The following TEX36 variants were observed in gnomAD, a reference collection of about 807,000 sequenced individuals.
TEX36 encodes testis expressed 36, also known as testis-expressed protein 36.
A neutral mutation model predicts 13.6 loss-of-function variants in TEX36; 12 were observed. The ratio of observed to expected loss-of-function variants is 0.88; its 90% CI spans 0.56 to 1.43. TEX36 has a LOEUF of 1.43. Ranked by LOEUF, TEX36 falls within the 40% of genes most tolerant of loss-of-function variation. The pLI, the probability that TEX36 is intolerant of heterozygous loss-of-function variation, is 0.00. For synonymous variants in TEX36, 93 were observed against 83.0 expected, an observed-to-expected ratio of 1.12 and a Z score of -0.65; for missense variants, 224 against 228.3, an observed-to-expected ratio of 0.98 and a Z score of 0.12.
chr10:125,655,469 T>C (rs74873644), downstream of TEX36, among the ~76,000 whole-genome samples: 2,675 of 152,188 alleles, frequency 0.018, 94 homozygotes, highest in African/African-American at 0.062. Flanking sequence ...TTGTAGAATA[T>C]TTTGCACTGT....
chr10:125,649,703 A>T (rs1042131538), intron 3 of TEX36, among the ~76,000 whole-genome samples: 1 of 152,244 alleles, frequency 6.6e-6, no homozygotes, highest in Admixed American at 6.5e-5. Flanking sequence ...CAGACTGGCA[A>T]ATTGGATAAA....
intron 3 of TEX36, among the ~76,000 whole-genome samples, chr10:125,630,276 T>C (rs962496752): frequency 6.6e-6 from 1 of 152,224 alleles, no homozygotes; most frequent in African/African-American, 2.4e-5. Flanking sequence ...AGTCAGGAAT[T>C]CAGACAGGGG....
intron 1 of TEX36, 34 bp downstream of exon 1, chr10:125,682,905 T>A (rs1483511733): frequency 3.9e-6 from 6 of 1,551,260 alleles, no homozygotes; most frequent in South Asian, 3.6e-5. Context: ...CCACGTGGCA[T>A]GAGAAAGGCA....
At chr10:125,660,549 A>G (rs1305567184) in intron 3 of TEX36, among the ~76,000 whole-genome samples, 1 of 152,178 alleles carries the variant, frequency 6.6e-6, no homozygotes, top group Non-Finnish European at 1.5e-5. Flanking sequence ...GTGAACCACC[A>G]CTGTATCAGA....
At chr10:125,618,636 G>C (rs1442875485), downstream of TEX36, among the ~76,000 whole-genome samples, 1 of 152,018 alleles carries the variant, frequency 6.6e-6, no homozygotes, top group South Asian at 2.1e-4. Context: ...TCCTAATGGA[G>C]GTGCCTGCCT....
intron 1 of TEX36, among the ~76,000 whole-genome samples, chr10:125,663,902 T>A (rs1178850312): frequency 1.3e-5 from 2 of 152,220 alleles, no homozygotes; most frequent in Non-Finnish European, 2.9e-5. Flanking sequence ...AGATTATGAT[T>A]GACTGTAGTC....
intron 3 of TEX36, among the ~76,000 whole-genome samples, chr10:125,581,359 C>T (rs942983602): frequency 1.6e-4 from 25 of 152,162 alleles, no homozygotes; most frequent in Non-Finnish European, 2.9e-4. Context: ...CCTAGCATAA[C>T]TCACCACTCA....
intron 3 of TEX36, among the ~76,000 whole-genome samples, chr10:125,594,704 T>C (rs1294867693): frequency 6.6e-6 from 1 of 152,226 alleles, no homozygotes; most frequent in Non-Finnish European, 1.5e-5. Flanking sequence ...AAAATCTATG[T>C]TTTTGCTAAA....
At position 125,683,108 on chromosome 10, in the gene TEX36, C is replaced by T. The variant is rs1170534482; in HGVS notation, c.-119G>A. The T allele has an allele frequency of 4.5e-6, 5 of 1,116,418 alleles. No individual in the cohort carries two copies. Among genetic ancestry groups the T allele is most frequent in the Non-Finnish European group, 6.6e-6 (5 of 753,158 alleles). The allele number at this position is 1,116,418 out of a possible 1,614,324, so 69.2% of individuals were successfully genotyped here. A position where few individuals can be genotyped will look rare whatever the true frequency, so the allele number is the denominator to read the frequency against. ...TCTACACGTCTGGGAAGCTCCTCCT[C>T]CTCCTTGTTCCTGATCTTTACTTCT... On this transcript the variant is annotated 5_prime_UTR_variant, in exon 1 of 4. Transcript: ENST00000368821.
chr10:125,577,494 G>C (rs1845838090), intron 3 of TEX36, among the ~76,000 whole-genome samples: 1 of 152,112 alleles, frequency 6.6e-6, no homozygotes. Context: ...GTGAGACTGT[G>C]TCTCAAAGAA....
intron 1 of TEX36, among the ~76,000 whole-genome samples, chr10:125,668,494 AG>A (rs1347267066): frequency 2.0e-5 from 3 of 152,074 alleles, no homozygotes; most frequent in African/African-American, 7.2e-5. Flanking sequence ...ATTTAAAAAA[AG>A]ATCTCCAACT....
chr10:125,630,801 A>G (rs1846543838), intron 3 of TEX36, among the ~76,000 whole-genome samples: 1 of 152,160 alleles, frequency 6.6e-6, no homozygotes, highest in Non-Finnish European at 1.5e-5. Flanking sequence ...GAATGTCTCC[A>G]GGAAGATGAT....
At chr10:125,593,534 A>T (rs1026224094) in intron 3 of TEX36, among the ~76,000 whole-genome samples, 2 of 152,226 alleles carry the variant, frequency 1.3e-5, no homozygotes, top group African/African-American at 4.8e-5. Flanking sequence ...CAAACAGGCT[A>T]ATACATTAGA....
intron 1 of TEX36, 107 bp from the exon 2 acceptor site, chr10:125,662,084 T>G: frequency 7.2e-7 from 1 of 1,382,936 alleles, no homozygotes; most frequent in Non-Finnish European, 9.7e-7. Context: ...TGGGTGCTTT[T>G]GGCATGCAAT....
intron 3 of TEX36, among the ~76,000 whole-genome samples, chr10:125,577,056 T>G (rs1845833360): frequency 6.6e-6 from 1 of 152,158 alleles, no homozygotes; most frequent in Non-Finnish European, 1.5e-5. Flanking sequence ...GGCAAGGGAA[T>G]GGGATATCAT....
At chr10:125,603,650 G>C (rs1281685583) in intron 3 of TEX36, among the ~76,000 whole-genome samples, 1 of 152,220 alleles carries the variant, frequency 6.6e-6, no homozygotes, top group Non-Finnish European at 1.5e-5. Context: ...GCTGGTTTCT[G>C]TGGCAGGGCA....
chr10:125,625,689 T>C (rs1446615034), intron 3 of TEX36, among the ~76,000 whole-genome samples: 1 of 152,246 alleles, frequency 6.6e-6, no homozygotes, highest in Non-Finnish European at 1.5e-5. Context: ...CGTGTTCAAC[T>C]AGATGCAACC....
At chr10:125,585,821 G>T (rs1453202176) in intron 3 of TEX36, among the ~76,000 whole-genome samples, 2 of 152,188 alleles carry the variant, frequency 1.3e-5, no homozygotes, top group Admixed American at 6.5e-5. Context: ...CCTTGGGAAG[G>T]CTCCCATGTC....
chr10:125,639,124 A>C (rs1390627890), intron 3 of TEX36, among the ~76,000 whole-genome samples: 1 of 152,252 alleles, frequency 6.6e-6, no homozygotes, highest in Non-Finnish European at 1.5e-5. Flanking sequence ...AAAAAATTAG[A>C]TTCAGCTTTT....
Sources: gnomAD v4.1 joint callset for allele counts (sites outside exome capture counted in the v4.1 genomes callset) on GRCh38, gnomAD v4.1.1 for gene constraint, MANE v1.5 for transcripts, NCBI Gene and HGNC (gene_info 2026-07-23, HGNC 2026-07-21) for gene names.